SPDYE17: variants seen among roughly 807,000 people sequenced by gnomAD.
SPDYE17 encodes speedy/RINGO cell cycle regulator family member E17.
For missense variants in SPDYE17, 7 were observed against 38.0 expected (o/e 0.18, Z 2.15); for synonymous variants, 4 against 14.8 (o/e 0.27, Z 1.68).
intron 2 of SPDYE17, among the ~76,000 whole-genome samples, chr7:77,030,080 CTTTTTTTTTTT>C (rs761251656): frequency 2.2e-5 from 1 of 45,312 alleles, no homozygotes; most frequent in Non-Finnish European, 3.3e-5. Flanking sequence ...TTTGTTTCTT[CTTTTTTTTTTT>C]TTTTTTTTTT....
chr7:77,025,906 A>G (rs1789424095), intron 5 of SPDYE17, among the ~76,000 whole-genome samples: 1 of 144,118 alleles, frequency 6.9e-6, no homozygotes, highest in African/African-American at 2.6e-5. Flanking sequence ...ACTCCAGCTT[A>G]GGGGACAGGG....
At chr7:77,028,027 A>C in intron 4 of SPDYE17, 115 bp downstream of exon 4, 3 of 746,710 alleles carry the variant, frequency 4.0e-6, no homozygotes, top group Non-Finnish European at 5.9e-6. Context: ...ACAAAAAAAA[A>C]CTGTAGGAGC....
rs1475947720 is a variant in SPDYE17, at chr7:77,022,972, C to A, written c.*861G>T. Among the ~76,000 whole-genome samples, 2 of 105,640 alleles carry A rather than the reference C, an allele frequency of 1.9e-5. 1 individual carries two copies. Among genetic ancestry groups the A allele is most frequent in the Non-Finnish European group, 4.3e-5 (2 of 46,922 alleles). The allele number at this position is 105,640 out of a possible 152,430, so 69.3% of individuals were successfully genotyped here. A position where few individuals can be genotyped will look rare whatever the true frequency, so the allele number is the denominator to read the frequency against. On this transcript the variant is annotated 3_prime_UTR_variant, in exon 8 of 8. Coordinates refer to ENST00000671986, the MANE Select transcript of SPDYE17 (RefSeq NM_001351351.3). Reference sequence around the variant, plus strand: ...ATGTTAAAAATCACAACTGAATTCTCACAATTCAGTCACAAACCTAAACAG... The same window carrying A: ...ATGTTAAAAATCACAACTGAATTCTAACAATTCAGTCACAAACCTAAACAG...
rs1205140128 is a variant in SPDYE17 at position 77,022,778 on chromosome 7, A to T, written c.*1055T>A. On this transcript the variant is annotated 3_prime_UTR_variant, in exon 8 of 8. Transcript: ENST00000671986. Reference sequence around the variant, plus strand: ...ATTCAAAAATACCAGTATTTCCAAAATATTTAAAATAATATTTAAAGTAAT... The same window carrying T: ...ATTCAAAAATACCAGTATTTCCAAATTATTTAAAATAATATTTAAAGTAAT... Among the ~76,000 whole-genome samples, 3 of 123,770 alleles carry T rather than the reference A, an allele frequency of 2.4e-5. 1 individual carries two copies. The Admixed American group carries it at 2.7e-4, about 11-fold the overall frequency. The allele number at this position is 123,770 out of a possible 152,430, so 81.2% of individuals were successfully genotyped here.
rs1322571921 is a variant in SPDYE17 at position 77,029,848 on chromosome 7, A to C, written c.131-397T>G. Reference sequence around the variant, plus strand: ...CAGCCTCTCAGGTAGCTGGGATTACAGGTGCCTGCCATAATGCCCAGCTCA... The same window carrying C: ...CAGCCTCTCAGGTAGCTGGGATTACCGGTGCCTGCCATAATGCCCAGCTCA... On this transcript the variant is annotated intron_variant, in intron 2 of 7. Transcript: ENST00000671986. Among the ~76,000 whole-genome samples, 33 of 128,682 alleles carry C rather than the reference A, an allele frequency of 2.6e-4. 6 individuals carry two copies. Among genetic ancestry groups the C allele is most frequent in the Admixed American group, 1.8e-3 (19 of 10,436 alleles). 84.4% of individuals were successfully genotyped at this position (128,682 alleles called of 152,430 possible). A position where few individuals can be genotyped will look rare whatever the true frequency, so the allele number is the denominator to read the frequency against.
chr7:77,028,266 G>A (rs1789467051), intron 3 of SPDYE17, 66 bp from the exon 4 acceptor site: 4 of 1,058,224 alleles, frequency 3.8e-6, no homozygotes, highest in Non-Finnish European at 5.1e-6. Context: ...CAGCAGGGCA[G>A]CGAGGAGAAG....
Position 77,032,358 on chromosome 7 carries a change from T to C in SPDYE17, c.-572A>G, listed in dbSNP as rs1257972157. On this transcript the variant is annotated 5_prime_UTR_variant, in exon 1 of 8. Transcript: ENST00000671986. ...AATCCCATTGCTATGGAAGTCCCAT[T>C]GTTAGGAAGCTCTGCTTTTCTGGAG... Among the ~76,000 whole-genome samples the C allele has an allele frequency of 7.5e-6, 1 of 132,978 alleles. No individual in the cohort carries two copies. The highest frequency in any genetic ancestry group is 1.6e-5 in the Non-Finnish European group (1 of 63,450). The allele number at this position is 132,978 out of a possible 152,430, so 87.2% of individuals were successfully genotyped here. A position where few individuals can be genotyped will look rare whatever the true frequency, so the allele number is the denominator to read the frequency against.
chr7:77,025,616 A>G (rs1257129066), intron 5 of SPDYE17: 2 of 122,546 alleles, frequency 1.6e-5, no homozygotes, highest in Admixed American at 1.0e-4. Flanking sequence ...GCGGTGGCAC[A>G]CCCATTAGTC....
In SPDYE17 at chr7:77,022,756, C is replaced by A. The variant is rs1789389092; in HGVS notation, c.*1077G>T. 8.1e-6 allele frequency among the ~76,000 whole-genome samples: 1 copy of A among 123,212 alleles called. No homozygotes were observed. Among genetic ancestry groups the A allele is most frequent in the South Asian group, 2.7e-4 (1 of 3,688 alleles). The allele number at this position is 123,212 out of a possible 152,430, so 80.8% of individuals were successfully genotyped here. A position where few individuals can be genotyped will look rare whatever the true frequency, so the allele number is the denominator to read the frequency against. On this transcript the variant is annotated 3_prime_UTR_variant, in exon 8 of 8. Transcript: ENST00000671986. ...CAGCTTTATAGAAACAGCATCTATT[C>A]AAAAATACCAGTATTTCCAAAATAT... is the stretch of plus-strand genomic sequence containing the variant.
At chr7:77,025,535 A>C (rs1210574482) in intron 5 of SPDYE17, 1 of 172,262 alleles carries the variant, frequency 5.8e-6, no homozygotes, top group Non-Finnish European at 1.1e-5. Flanking sequence ...GCTTGAGACC[A>C]GGAGTTTGAG....
intron 2 of SPDYE17, among the ~76,000 whole-genome samples, chr7:77,030,123 A>C (rs1186716873): frequency 3.8e-5 from 2 of 52,914 alleles, no homozygotes; most frequent in African/African-American, 1.3e-4. Flanking sequence ...TCACTCTGTC[A>C]CCCAGACTGG....
chr7:77,032,336 C>T lies in SPDYE17; in HGVS notation c.-550G>A, dbSNP rs1789502027. ...GCACAAACTGAATGCGGAAGGAAATCCCATTGCTATGGAAGTCCCATTGTT... is the reference window on the plus strand; with the variant it reads ...GCACAAACTGAATGCGGAAGGAAATTCCATTGCTATGGAAGTCCCATTGTT... On this transcript the variant is annotated 5_prime_UTR_variant, in exon 1 of 8. Transcript: ENST00000671986. Among the ~76,000 whole-genome samples the T allele has an allele frequency of 7.5e-6, 1 of 133,624 alleles. No homozygotes were observed. The highest frequency in any genetic ancestry group is 1.6e-5 in the Non-Finnish European group (1 of 63,690). 87.7% of individuals were successfully genotyped at this position (133,624 alleles called of 152,430 possible).
intron 4 of SPDYE17, among the ~76,000 whole-genome samples, chr7:77,027,499 C>G (rs369020087): frequency 0.021 from 957 of 46,368 alleles, 32 homozygotes; most frequent in Middle Eastern, 0.051. Flanking sequence ...GGCAACACAG[C>G]GAGACCCTGT....
At chr7:77,028,111 A>G (rs1450200689) in intron 4 of SPDYE17, 31 bp downstream of exon 4, 2 of 1,380,132 alleles carry the variant, frequency 1.4e-6, no homozygotes, top group Non-Finnish European at 9.6e-7. Context: ...GCGTTAGAAC[A>G]GGAACACAGT....
chr7:77,032,301 C>G lies in SPDYE17; in HGVS notation c.-515G>C, dbSNP rs1339371174. ...GCGGCTCTCCTAGGAGTCTCTCGCTCATGGGAAAGGCACAAACTGAATGCG... is the reference window on the plus strand; with the variant it reads ...GCGGCTCTCCTAGGAGTCTCTCGCTGATGGGAAAGGCACAAACTGAATGCG... On this transcript the variant is annotated 5_prime_UTR_variant, in exon 1 of 8. An upstream start codon of the reference 5' UTR is lost. Coordinates refer to ENST00000671986, the MANE Select transcript of SPDYE17 (RefSeq NM_001351351.3). Among the ~76,000 whole-genome samples the G allele has an allele frequency of 7.7e-6, 1 of 130,438 alleles. No individual in the cohort carries two copies. The highest frequency in any genetic ancestry group is 2.8e-5 in the African/African-American group (1 of 35,838). 85.6% of individuals were successfully genotyped at this position (130,438 alleles called of 152,430 possible). A position where few individuals can be genotyped will look rare whatever the true frequency, so the allele number is the denominator to read the frequency against.
chr7:77,029,961 C>T (rs1475668278), intron 2 of SPDYE17, among the ~76,000 whole-genome samples: 2 of 125,542 alleles, frequency 1.6e-5, no homozygotes, highest in African/African-American at 5.8e-5. Context: ...CCTGCCTTGG[C>T]TTCCCAAAGT....
At chr7:77,026,440 A>G (rs1350538830) in intron 5 of SPDYE17, among the ~76,000 whole-genome samples, 4 of 148,452 alleles carry the variant, frequency 2.7e-5, no homozygotes, top group African/African-American at 9.9e-5. Context: ...ACTCCAGGAA[A>G]CCCCAGCAGG....
chr7:77,028,070 G>A (rs1249296996), intron 4 of SPDYE17, 72 bp downstream of exon 4: 1 of 1,264,770 alleles, frequency 7.9e-7, no homozygotes, highest in Non-Finnish European at 1.1e-6. Context: ...GAGAACTGTG[G>A]GTTTGGAAGC....
rs1394880216 is a variant in SPDYE17, at chr7:77,027,794, G to A, written c.408+348C>T. On this transcript the variant is annotated intron_variant, in intron 4 of 7. Transcript: ENST00000671986. Reference sequence around the variant, plus strand: ...GTGGATCACCTGAGGTCAGGTGTTCGGGACCAATCTGGCCAACATGGCAAA... The same window carrying A: ...GTGGATCACCTGAGGTCAGGTGTTCAGGACCAATCTGGCCAACATGGCAAA... Among the ~76,000 whole-genome samples the A allele has an allele frequency of 8.6e-5, 11 of 127,892 alleles. 2 individuals are homozygous for A. The highest frequency in any genetic ancestry group is 1.4e-4 in the African/African-American group (5 of 36,302). The allele number at this position is 127,892 out of a possible 152,430, so 83.9% of individuals were successfully genotyped here. A position where few individuals can be genotyped will look rare whatever the true frequency, so the allele number is the denominator to read the frequency against.
Sources: allele counts gnomAD v4.1 joint callset (sites outside exome capture counted in the v4.1 genomes callset), GRCh38; gene constraint gnomAD v4.1.1; transcripts MANE v1.5; gene names NCBI Gene and HGNC (gene_info 2026-07-23, HGNC 2026-07-21).